PRMT8: variants seen among roughly 807,000 people sequenced by gnomAD.
PRMT8 encodes the protein protein arginine methyltransferase 8, also known as protein arginine N-methyltransferase 8.
PRMT8 carries 7 observed loss-of-function variants against 47.1 expected under a neutral mutation model. That is an observed-to-expected ratio of 0.15 (90% CI 0.08 to 0.28). The LOEUF is 0.28. Among genes scored for constraint, PRMT8 ranks in the 10% least tolerant of loss-of-function variants. PRMT8 has a pLI of 1.00. For synonymous variants in PRMT8, 188 were observed against 186.5 expected, an observed-to-expected ratio of 1.01 and a Z score of -0.07; for missense variants, 237 against 505.4, an observed-to-expected ratio of 0.47 and a Z score of 5.09.
At chr12:3,429,933 G>C (rs1364408094) in intron 1 of PRMT8, among the ~76,000 whole-genome samples, 2 of 152,218 alleles carry the variant, frequency 1.3e-5, no homozygotes, top group African/African-American at 4.8e-5. Flanking sequence ...TGCCTCAACT[G>C]TCTGTTAATC....
intron 1 of PRMT8, among the ~76,000 whole-genome samples, chr12:3,506,832 C>T (rs1227787685): frequency 1.3e-5 from 2 of 152,052 alleles, no homozygotes; most frequent in Non-Finnish European, 1.5e-5. Context: ...TGGTGACTTT[C>T]CCCTGTGCTC....
chr12:3,572,063 T>G lies in PRMT8; in HGVS notation c.712+2499T>G, dbSNP rs190478427. On this transcript the variant is annotated intron_variant, in intron 6 of 9. Transcript: ENST00000382622. This position sits in a 1 kb window ranked among gnomAD's most constrained non-coding sequence, Gnocchi z 5.9. ...TTTCCTTTTCTTTTATTTCCTTCCCTCTCCTTCCCTTCCCTCCCCTCCTTT... is the reference window on the plus strand; with the variant it reads ...TTTCCTTTTCTTTTATTTCCTTCCCGCTCCTTCCCTTCCCTCCCCTCCTTT... Among the ~76,000 whole-genome samples the G allele has an allele frequency of 5.0e-3, 755 of 152,260 alleles. 2 individuals carry two copies. The highest frequency in any genetic ancestry group is 8.9e-3 in the Non-Finnish European group (605 of 68,014).
At chr12:3,428,092 T>C (rs1864625567) in intron 1 of PRMT8, among the ~76,000 whole-genome samples, 1 of 152,238 alleles carries the variant, frequency 6.6e-6, no homozygotes, top group South Asian at 2.1e-4. Context: ...TCAATTACCC[T>C]GGAGGAACCA....
At chr12:3,489,432 C>A (rs35760743), upstream of PRMT8, among the ~76,000 whole-genome samples, 10,528 of 151,640 alleles carry the variant, frequency 0.069, 405 homozygotes, top group Middle Eastern at 0.11. Context: ...GGACCATGGG[C>A]AAATGTCCTC....
chr12:3,589,384 A>G (rs1333190185), intron 8 of PRMT8, among the ~76,000 whole-genome samples: 5 of 152,154 alleles, frequency 3.3e-5, no homozygotes, highest in Non-Finnish European at 5.9e-5. Flanking sequence ...AAGGAGCCCC[A>G]GGTCACATCG....
At chr12:3,530,158 A>T (rs988567958) in intron 1 of PRMT8, among the ~76,000 whole-genome samples, 3 of 152,136 alleles carry the variant, frequency 2.0e-5, no homozygotes, top group African/African-American at 7.2e-5. Context: ...GATGATTATT[A>T]TTCCCAATTT....
intron 1 of PRMT8, among the ~76,000 whole-genome samples, chr12:3,389,359 G>A (rs556543752): frequency 6.6e-6 from 1 of 152,210 alleles, no homozygotes; most frequent in African/African-American, 2.4e-5. Flanking sequence ...AAATCCCTAA[G>A]GTTACATTCT....
At chr12:3,490,022 G>A (rs556795233), upstream of PRMT8, among the ~76,000 whole-genome samples, 2 of 152,198 alleles carry the variant, frequency 1.3e-5, no homozygotes, top group South Asian at 2.1e-4. Context: ...TTTCTTCAAT[G>A]GACTCTGGGG....
At chr12:3,388,051 T>TCCTTCTTTCCTTCCTC (rs71061113) in intron 1 of PRMT8, among the ~76,000 whole-genome samples, 3 of 134,544 alleles carry the variant, frequency 2.2e-5, no homozygotes, top group East Asian at 4.6e-4. Flanking sequence ...TTTCCTTCCT[T>TCCTTCTTTCCTTCCTC]CCTCCCTCCC....
In PRMT8 at chr12:3,552,673, C is replaced by G. The variant is rs968970887; in HGVS notation, c.418-978C>G. 1.8e-5 allele frequency: 8 copies of G among 455,852 alleles called. No homozygotes were observed. Among genetic ancestry groups the G allele is most frequent in the Admixed American group, 7.1e-5 (3 of 42,530 alleles). 28.2% of individuals were successfully genotyped at this position (455,852 alleles called of 1,614,324 possible). On this transcript the variant is annotated intron_variant, in intron 3 of 9. Transcript: ENST00000382622. This position sits in a 1 kb window ranked among gnomAD's most constrained non-coding sequence, Gnocchi z 4.5. Reference sequence around the variant, plus strand: ...GGAGTCGGCCTCCTTGGATGCAGCTCTAACCAAGTGACCCCTTCTGACCCC... The same window carrying G: ...GGAGTCGGCCTCCTTGGATGCAGCTGTAACCAAGTGACCCCTTCTGACCCC...
At position 3,508,563 on chromosome 12, in the gene PRMT8, C is replaced by T. The variant is rs950475310; in HGVS notation, c.75+16863C>T. Among the ~76,000 whole-genome samples, 7 of 152,086 alleles carry T rather than the reference C, an allele frequency of 4.6e-5. No homozygotes were observed. The highest frequency in any genetic ancestry group is 7.2e-5 in the African/African-American group (3 of 41,414). ...TAGATCCGAGTTTTAGGGTCAGAGACGTTATGCAGCCCTGACTTTGCAGCT... is the reference window on the plus strand; with the variant it reads ...TAGATCCGAGTTTTAGGGTCAGAGATGTTATGCAGCCCTGACTTTGCAGCT... On this transcript the variant is annotated intron_variant, in intron 1 of 9. Coordinates refer to ENST00000382622, the MANE Select transcript of PRMT8 (RefSeq NM_019854.5). This position sits in a 1 kb window ranked among gnomAD's most constrained non-coding sequence, Gnocchi z 4.9.
At chr12:3,454,957 A>G (rs962880829) in intron 1 of PRMT8, among the ~76,000 whole-genome samples, 7 of 152,236 alleles carry the variant, frequency 4.6e-5, no homozygotes, top group African/African-American at 1.7e-4. Flanking sequence ...GAGCTGACGC[A>G]CCAAAGAATG....
upstream of PRMT8, chr12:3,491,091 G>A (rs1865386786): frequency 1.1e-6 from 1 of 888,566 alleles, no homozygotes; most frequent in Non-Finnish European, 1.3e-6. Flanking sequence ...GCGGGCCCGG[G>A]GGCGCTGGGG....
chr12:3,442,597 A>G (rs1046218934), intron 1 of PRMT8, among the ~76,000 whole-genome samples: 1 of 152,162 alleles, frequency 6.6e-6, no homozygotes, highest in Admixed American at 6.5e-5. Flanking sequence ...TGGAACGGGT[A>G]TGAGGCTAGG....
At chr12:3,490,551 G>GGT (rs1555084804), upstream of PRMT8, among the ~76,000 whole-genome samples, 2 of 150,238 alleles carry the variant, frequency 1.3e-5, no homozygotes, top group Non-Finnish European at 3.0e-5. Context: ...TGGAGTGGGG[G>GGT]GGGGGGCACT....
rs1866820652 is a variant in PRMT8, at chr12:3,570,227, T to TC, written c.712+668dup. 6.6e-6 allele frequency among the ~76,000 whole-genome samples: 1 copy of TC among 152,022 alleles called. No individual in the cohort carries two copies. Among genetic ancestry groups the TC allele is most frequent in the Admixed American group, 6.6e-5 (1 of 15,250 alleles). ...AACAATAAAGCCAAAAAACTTCTCCTCCCCCGCAATGTTTTACCTGGTCTG... is the reference window on the plus strand; with the variant it reads ...AACAATAAAGCCAAAAAACTTCTCCTCCCCCCGCAATGTTTTACCTGGTCTG... On this transcript the variant is annotated intron_variant, in intron 6 of 9. Coordinates refer to ENST00000382622, the MANE Select transcript of PRMT8 (RefSeq NM_019854.5). The surrounding 1 kb of genome is among the most constrained non-coding windows in gnomAD (Gnocchi z 5.5).
chr12:3,572,245 G>A lies in PRMT8; in HGVS notation c.712+2681G>A, dbSNP rs1426186938. 4.0e-5 allele frequency among the ~76,000 whole-genome samples: 6 copies of A among 151,688 alleles called. No individual in the cohort carries two copies. The highest frequency in any genetic ancestry group is 2.0e-4 in the Admixed American group (3 of 15,224). ...GCTCACAATACATAATTTTAACGAAGGAAGGAAGGAAGGAAGGAAAGTGAA... is the reference window on the plus strand; with the variant it reads ...GCTCACAATACATAATTTTAACGAAAGAAGGAAGGAAGGAAGGAAAGTGAA... On this transcript the variant is annotated intron_variant, in intron 6 of 9. Transcript: ENST00000382622. This position sits in a 1 kb window ranked among gnomAD's most constrained non-coding sequence, Gnocchi z 5.9.
chr12:3,542,144 GC>G (rs771178225), intron 2 of PRMT8, among the ~76,000 whole-genome samples: 26 of 152,182 alleles, frequency 1.7e-4, no homozygotes, highest in Non-Finnish European at 3.4e-4. Context: ...GTGGAAGGAG[GC>G]CCCCCAGTTA....
intron 1 of PRMT8, among the ~76,000 whole-genome samples, chr12:3,468,590 C>G (rs913175617): frequency 6.6e-6 from 1 of 152,196 alleles, no homozygotes; most frequent in African/African-American, 2.4e-5. Context: ...CTTCCATACA[C>G]CAACTCTTGA....
Sources: gnomAD v4.1 joint callset for allele counts (sites outside exome capture counted in the v4.1 genomes callset) on GRCh38, gnomAD v4.1.1 for gene constraint, Gnocchi (gnomAD v3.1) non-coding constraint, MANE v1.5 for transcripts, NCBI Gene and HGNC (gene_info 2026-07-23, HGNC 2026-07-21) for gene names.